The following LPXN variants were observed in gnomAD, a reference collection of about 807,000 sequenced individuals.
LPXN encodes the protein leupaxin.
LPXN carries 28 observed loss-of-function variants against 45.6 expected under a neutral mutation model. That is an observed-to-expected ratio of 0.61 (90% CI 0.45 to 0.84). The LOEUF (loss-of-function observed/expected upper bound fraction) is 0.84. LPXN is among the 40% of genes least tolerant of loss of function. The pLI is 0.00. For missense variants in LPXN, 459 were observed against 475.0 expected (o/e 0.97, Z 0.31); for synonymous variants, 166 against 169.9 (o/e 0.98, Z 0.18).
intron 1 of LPXN, among the ~76,000 whole-genome samples, chr11:58,571,609 A>T (rs951091270): frequency 6.6e-6 from 1 of 151,414 alleles, no homozygotes; most frequent in Non-Finnish European, 1.5e-5. Flanking sequence ...TGCAAAATCA[A>T]GTAAGATGTT....
At chr11:58,575,915 ACTTCCTCT>A (rs1854874669), upstream of LPXN, 1 of 1,502,860 alleles carries the variant, frequency 6.7e-7, no homozygotes, top group Admixed American at 2.5e-5. Flanking sequence ...TTTGCTTAGC[ACTTCCTCT>A]CTTTTGATTT....
At chr11:58,538,975 A>T (rs1434937096) in intron 7 of LPXN, among the ~76,000 whole-genome samples, 2 of 138,846 alleles carry the variant, frequency 1.4e-5, no homozygotes, top group African/African-American at 5.4e-5. Context: ...TATTAGTATG[A>T]ACTCATGACT....
At chr11:58,535,032 C>A (rs1378416707) in intron 7 of LPXN, among the ~76,000 whole-genome samples, 1 of 152,040 alleles carries the variant, frequency 6.6e-6, no homozygotes, top group Non-Finnish European at 1.5e-5. Context: ...AATTAATAGC[C>A]TACCGACCAA....
At chr11:58,554,981 A>C (rs771959789) in intron 3 of LPXN, 41 bp from the exon 4 acceptor site, 1 of 1,285,774 alleles carries the variant, frequency 7.8e-7, no homozygotes, top group East Asian at 2.3e-5. Flanking sequence ...ACAAATCAAA[A>C]CTCAAATAAT....
At chr11:58,539,088 G>C (rs1162180779) in intron 7 of LPXN, among the ~76,000 whole-genome samples, 2 of 152,116 alleles carry the variant, frequency 1.3e-5, no homozygotes, top group Admixed American at 1.3e-4. Context: ...GGGAGGACTG[G>C]TTGAAGCCTG....
At chr11:58,558,796 T>C (rs542525899) in intron 3 of LPXN, among the ~76,000 whole-genome samples, 19 of 151,874 alleles carry the variant, frequency 1.3e-4, no homozygotes, top group Admixed American at 5.9e-4. Context: ...AAATTAAAGA[T>C]AGATATCAAT....
chr11:58,544,058 C>G (rs1250652965), intron 7 of LPXN, among the ~76,000 whole-genome samples: 1 of 152,128 alleles, frequency 6.6e-6, no homozygotes, highest in Admixed American at 6.5e-5. Flanking sequence ...AGATCTGAAT[C>G]TAAACTAGTA....
chr11:58,529,542 A>C (rs1251126629), intron 7 of LPXN, among the ~76,000 whole-genome samples: 1 of 151,174 alleles, frequency 6.6e-6, no homozygotes, highest in Non-Finnish European at 1.5e-5. Context: ...CCCGGGAGGC[A>C]GAGCTTGCAG....
At chr11:58,538,579 A>G (rs1853624551) in intron 7 of LPXN, among the ~76,000 whole-genome samples, 1 of 152,094 alleles carries the variant, frequency 6.6e-6, no homozygotes, top group Admixed American at 6.5e-5. Flanking sequence ...TTCTTTTGAG[A>G]AGTGTCTTAA....
At position 58,527,245 on chromosome 11, in the gene LPXN, G is replaced by C; in HGVS notation, c.*209C>G. On this transcript the variant is annotated 3_prime_UTR_variant, in exon 9 of 9. Coordinates refer to ENST00000395074, the MANE Select transcript of LPXN (RefSeq NM_004811.3). The stretch of plus-strand genomic sequence containing the variant: ...TGATTGGAGAAGAGAGGGAGAAAGA[G>C]AATTTATAGAATTAACTGTATAGAA... 1.9e-6 allele frequency: 1 copy of C among 538,316 alleles called. No homozygotes were observed. The highest frequency in any genetic ancestry group is 5.0e-4 in the Middle Eastern group (1 of 2,020). 33.3% of individuals were successfully genotyped at this position (538,316 alleles called of 1,614,324 possible).
intron 7 of LPXN, among the ~76,000 whole-genome samples, chr11:58,543,597 A>T (rs1478210406): frequency 6.6e-6 from 1 of 152,166 alleles, no homozygotes. Flanking sequence ...AAATGCAAAA[A>T]GACAGCTTAG....
intron 4 of LPXN, among the ~76,000 whole-genome samples, chr11:58,552,120 C>G (rs780524790): frequency 3.3e-5 from 5 of 152,000 alleles, no homozygotes; most frequent in Admixed American, 6.6e-5. Context: ...CTGGAGGATC[C>G]CTGTGGTAGC....
At chr11:58,568,697 T>C (rs562745497) in intron 2 of LPXN, among the ~76,000 whole-genome samples, 3 of 152,118 alleles carry the variant, frequency 2.0e-5, no homozygotes, top group Admixed American at 1.3e-4. Flanking sequence ...TGTTAAGCCA[T>C]AGTGGCTTAC....
chr11:58,527,246 A>C lies in LPXN; in HGVS notation c.*208T>G. The C allele has an allele frequency of 3.7e-6, 2 of 539,762 alleles. No individual in the cohort carries two copies. Among genetic ancestry groups the C allele is most frequent in the Non-Finnish European group, 3.3e-6 (1 of 304,224 alleles). 33.4% of individuals were successfully genotyped at this position (539,762 alleles called of 1,614,324 possible). A position where few individuals can be genotyped will look rare whatever the true frequency, so the allele number is the denominator to read the frequency against. On this transcript the variant is annotated 3_prime_UTR_variant, in exon 9 of 9. Coordinates refer to ENST00000395074, the MANE Select transcript of LPXN (RefSeq NM_004811.3). The stretch of plus-strand genomic sequence containing the variant: ...GATTGGAGAAGAGAGGGAGAAAGAG[A>C]ATTTATAGAATTAACTGTATAGAAG...
In LPXN at chr11:58,575,744, C is replaced by T. The variant is rs556594723; in HGVS notation, c.13+16G>A. The stretch of plus-strand genomic sequence containing the variant: ...TCTTCACTCCCTCAGAGTTTCTCCT[C>T]AGGCTCCTCACTCACCTAACTCTTC... On this transcript the variant is annotated intron_variant, in intron 1 of 8. Transcript: ENST00000395074. 9.9e-6 allele frequency: 16 copies of T among 1,614,196 alleles called. No individual in the cohort carries two copies. In the South Asian group the frequency reaches 1.8e-4, roughly 18 times the overall value.
chr11:58,528,734 T>C (rs1853302499), intron 7 of LPXN, among the ~76,000 whole-genome samples: 1 of 152,234 alleles, frequency 6.6e-6, no homozygotes, highest in South Asian at 2.1e-4. Flanking sequence ...AAGCATCTGA[T>C]ATTTTAAAAT....
intron 7 of LPXN, among the ~76,000 whole-genome samples, chr11:58,533,409 T>C (rs1490186491): frequency 6.6e-6 from 1 of 152,192 alleles, no homozygotes; most frequent in African/African-American, 2.4e-5. Context: ...GAATTTCATA[T>C]CCAGCCAAAC....
At chr11:58,536,921 C>T (rs1273569805) in intron 7 of LPXN, among the ~76,000 whole-genome samples, 4 of 152,004 alleles carry the variant, frequency 2.6e-5, no homozygotes, top group Non-Finnish European at 5.9e-5. Flanking sequence ...AGCTCATCAT[C>T]ACTGGTCATT....
upstream of LPXN, among the ~76,000 whole-genome samples, chr11:58,576,973 T>C (rs1200376022): frequency 6.6e-6 from 1 of 152,168 alleles, no homozygotes; most frequent in Non-Finnish European, 1.5e-5. Flanking sequence ...TTATTTTTTA[T>C]GTAGAGGGTG....
Sources: gnomAD v4.1 joint callset for allele counts (sites outside exome capture counted in the v4.1 genomes callset) on GRCh38, gnomAD v4.1.1 for gene constraint, MANE v1.5 for transcripts, NCBI Gene and HGNC (gene_info 2026-07-23, HGNC 2026-07-21) for gene names.